CMPK1: variants seen among roughly 807,000 people sequenced by gnomAD.
The protein encoded by CMPK1 is cytidine/uridine monophosphate kinase 1.
A neutral mutation model predicts 25.7 loss-of-function variants in CMPK1; 10 were observed. That is an observed-to-expected ratio of 0.39 (90% confidence interval 0.24 to 0.66). The LOEUF (loss-of-function observed/expected upper bound fraction) is 0.66, where lower values mean the gene tolerates loss of function less well. CMPK1 is among the 30% of genes least tolerant of loss of function. The pLI is 0.48. For missense variants in CMPK1, 199 were observed against 280.5 expected (o/e 0.71, Z 2.08); for synonymous variants, 106 against 101.5 (o/e 1.04, Z -0.27).
At chr1:47,362,745 A>T (rs1646612728) in intron 1 of CMPK1, among the ~76,000 whole-genome samples, 6 of 152,214 alleles carry the variant, frequency 3.9e-5, no homozygotes. Context: ...TAATATGTGG[A>T]TTTGCGATGA....
At chr1:47,349,627 T>C (rs1378421079) in intron 1 of CMPK1, among the ~76,000 whole-genome samples, 1 of 152,214 alleles carries the variant, frequency 6.6e-6, no homozygotes, top group Non-Finnish European at 1.5e-5. Flanking sequence ...TTCACAGTGG[T>C]AACATTGCAC....
At position 47,377,787 on chromosome 1, in the gene CMPK1, C is replaced by T; in HGVS notation, c.*1042C>T. ...AATATATCTTATAAATGTTTGATTCCCTTCCTTGCTATTTTTATTCAGTAG... is the reference window on the plus strand; with the variant it reads ...AATATATCTTATAAATGTTTGATTCTCTTCCTTGCTATTTTTATTCAGTAG... On this transcript the variant is annotated 3_prime_UTR_variant, in exon 6 of 6. Coordinates refer to ENST00000371873, the MANE Select transcript of CMPK1 (RefSeq NM_016308.3). 6.6e-6 allele frequency: 1 copy of T among 152,218 alleles called. No individual in the cohort carries two copies. The highest frequency in any genetic ancestry group is 1.9e-4 in the East Asian group (1 of 5,192). The allele number at this position is 152,218 out of a possible 1,614,324, so 9.4% of individuals were successfully genotyped here.
chr1:47,372,169 C>T (rs1314026700), intron 2 of CMPK1, among the ~76,000 whole-genome samples: 1 of 151,580 alleles, frequency 6.6e-6, no homozygotes, highest in Non-Finnish European at 1.5e-5. Context: ...TCTCGGCTTA[C>T]TGAAACCTCC....
At chr1:47,348,344 G>A (rs1438105041) in intron 1 of CMPK1, among the ~76,000 whole-genome samples, 1 of 152,196 alleles carries the variant, frequency 6.6e-6, no homozygotes, top group Non-Finnish European at 1.5e-5. Flanking sequence ...ATATGAAAAT[G>A]TGTTTGCTCT....
chr1:47,342,317 G>T (rs920241375), intron 1 of CMPK1, among the ~76,000 whole-genome samples: 3 of 151,466 alleles, frequency 2.0e-5, no homozygotes, highest in Non-Finnish European at 4.4e-5. Context: ...CTTGACCTCA[G>T]GTGATCTGCC....
At position 47,376,975 on chromosome 1, in the gene CMPK1, G is replaced by T; in HGVS notation, c.*230G>T. 5.6e-6 allele frequency: 2 copies of T among 358,186 alleles called. No homozygotes were observed. The highest frequency in any genetic ancestry group is 4.2e-5 in the East Asian group (1 of 23,854). 22.2% of individuals were successfully genotyped at this position (358,186 alleles called of 1,614,324 possible). ...TAGTTATGGTGCTCACCAAACGAAG[G>T]GTATCAGCTATTTTTTTTAAAATTC... On this transcript the variant is annotated 3_prime_UTR_variant, in exon 6 of 6. Coordinates refer to ENST00000371873, the MANE Select transcript of CMPK1 (RefSeq NM_016308.3).
intron 1 of CMPK1, among the ~76,000 whole-genome samples, chr1:47,357,603 G>T (rs1646571181): frequency 6.6e-6 from 1 of 151,246 alleles, no homozygotes; most frequent in African/African-American, 2.4e-5. Context: ...TTCTGCCTCA[G>T]TCTCCTGAGT....
intron 1 of CMPK1, among the ~76,000 whole-genome samples, chr1:47,363,504 G>C (rs947468418): frequency 1.3e-5 from 2 of 152,048 alleles, no homozygotes; most frequent in African/African-American, 4.8e-5. Context: ...CGGCTGCAGT[G>C]GTGGGCGCCT....
chr1:47,334,857 T>C (rs904717449), intron 1 of CMPK1, among the ~76,000 whole-genome samples: 6 of 152,210 alleles, frequency 3.9e-5, no homozygotes, highest in African/African-American at 1.4e-4. Flanking sequence ...GCCCTTGTAA[T>C]ACAGTAAAAA....
At chr1:47,349,555 A>G (rs1646507563) in intron 1 of CMPK1, among the ~76,000 whole-genome samples, 1 of 152,210 alleles carries the variant, frequency 6.6e-6, no homozygotes, top group Admixed American at 6.5e-5. Flanking sequence ...TCTGTAGCGT[A>G]CGAGTTGGAG....
At chr1:47,342,647 TTC>T (rs1401508009) in intron 1 of CMPK1, among the ~76,000 whole-genome samples, 1 of 111,686 alleles carries the variant, frequency 9.0e-6, no homozygotes, top group African/African-American at 4.0e-5. Flanking sequence ...TTTCTCTTTT[TTC>T]TTTTTTTTTT....
intron 1 of CMPK1, among the ~76,000 whole-genome samples, chr1:47,342,140 G>A (rs1474211639): frequency 6.6e-6 from 1 of 151,748 alleles, no homozygotes; most frequent in African/African-American, 2.4e-5. Flanking sequence ...AGAGTGCAGT[G>A]GGGTGATCTC....
At chr1:47,360,050 G>T (rs572674633) in intron 1 of CMPK1, among the ~76,000 whole-genome samples, 1 of 152,180 alleles carries the variant, frequency 6.6e-6, no homozygotes, top group Non-Finnish European at 1.5e-5. Context: ...TATGTAACTT[G>T]TATGTTCTAC....
chr1:47,348,564 C>T (rs1424784014), intron 1 of CMPK1, among the ~76,000 whole-genome samples: 1 of 152,192 alleles, frequency 6.6e-6, no homozygotes, highest in African/African-American at 2.4e-5. Context: ...GAGGCCTTCA[C>T]TTTGAGGGAC....
chr1:47,355,018 A>T (rs977077184), intron 1 of CMPK1, among the ~76,000 whole-genome samples: 1 of 151,842 alleles, frequency 6.6e-6, no homozygotes, highest in Non-Finnish European at 1.5e-5. Context: ...GTTTTATAAA[A>T]TTTTTACTTT....
chr1:47,378,220 A>G lies in CMPK1; in HGVS notation c.*1475A>G, dbSNP rs993768353. On this transcript the variant is annotated 3_prime_UTR_variant, in exon 6 of 6. Coordinates refer to ENST00000371873, the MANE Select transcript of CMPK1 (RefSeq NM_016308.3). ...TCAACATACTTGCCATTAGAAAACA[A>G]AGTATTGCTAAGTACTATAACATAT... is the stretch of plus-strand genomic sequence containing the variant. The G allele has an allele frequency of 6.6e-6, 1 of 152,182 alleles. No homozygotes were observed. The highest frequency in any genetic ancestry group is 2.4e-5 in the African/African-American group (1 of 41,454). 9.4% of individuals were successfully genotyped at this position (152,182 alleles called of 1,614,324 possible). A position where few individuals can be genotyped will look rare whatever the true frequency, so the allele number is the denominator to read the frequency against.
intron 1 of CMPK1, among the ~76,000 whole-genome samples, chr1:47,345,703 C>G (rs1284533504): frequency 2.0e-5 from 3 of 151,040 alleles, no homozygotes; most frequent in East Asian, 3.9e-4. Context: ...GTGATCCCCC[C>G]ACCTCGGCCT....
At position 47,357,962 on chromosome 1, in the gene CMPK1, G is replaced by A. The variant is rs78818592; in HGVS notation, c.172-10507G>A. On this transcript the variant is annotated intron_variant, in intron 1 of 5. Transcript: ENST00000371873. ...AACCATAGCACATAATATTGATATTGAGCCAGTTTGGTATTTCTGTTCCTC... is the reference window on the plus strand; with the variant it reads ...AACCATAGCACATAATATTGATATTAAGCCAGTTTGGTATTTCTGTTCCTC... 5.2e-3 allele frequency among the ~76,000 whole-genome samples: 790 copies of A among 152,126 alleles called. 2 individuals are homozygous for A. The highest frequency in any genetic ancestry group is 0.03 in the East Asian group (155 of 5,160).
intron 1 of CMPK1, among the ~76,000 whole-genome samples, chr1:47,352,780 G>T (rs2820993): frequency 0.97 from 148,299 of 152,260 alleles, 72,312 homozygotes; most frequent in East Asian, 1. Context: ...GGCCCATGTA[G>T]TCTGCTGTAC....
Sources: allele counts gnomAD v4.1 joint callset (sites outside exome capture counted in the v4.1 genomes callset), GRCh38; gene constraint gnomAD v4.1.1; transcripts MANE v1.5; gene names NCBI Gene and HGNC (gene_info 2026-07-23, HGNC 2026-07-21).